FAM240C: variants seen among roughly 807,000 people sequenced by gnomAD.
The protein encoded by FAM240C is protein FAM240C.
In FAM240C, 14 loss-of-function variants were observed where a neutral mutation model predicts 10.0. The observed-to-expected ratio is 1.40, with a 90% CI of 0.92 to 2.19. The LOEUF (loss-of-function observed/expected upper bound fraction) is 2.19, where lower values mean the gene tolerates loss of function less well. Among genes scored for constraint, FAM240C ranks in the 30% most tolerant of loss-of-function variants. The probability of loss-of-function intolerance (pLI) is 0.00; values close to 1 mark genes in which losing one functional copy is unlikely to be tolerated. For missense variants in FAM240C, 154 were observed against 122.3 expected (o/e 1.26, Z -1.22); for synonymous variants, 49 against 44.3 (o/e 1.11, Z -0.42).
intron 2 of FAM240C, among the ~76,000 whole-genome samples, chr2:241,896,116 G>A (rs1277908076): frequency 6.6e-6 from 1 of 152,142 alleles, no homozygotes; most frequent in East Asian, 1.9e-4. Flanking sequence ...GGGGTACCAC[G>A]GCTCTCTTGC....
rs1358853836 is a variant in FAM240C, at chr2:241,894,052, G to C, written c.*161C>G. On this transcript the variant is annotated 3_prime_UTR_variant, in exon 3 of 3. Coordinates refer to ENST00000404031, the MANE Select transcript of FAM240C (RefSeq NM_001382368.1). ...TAGAGAACCCTGGGACTCTGCTGCA[G>C]CGTGGACCCCGAGGTGGGATTATTA... 5 of 745,110 alleles carry C rather than the reference G, an allele frequency of 6.7e-6. No individual in the cohort carries two copies. Among genetic ancestry groups the C allele is most frequent in the African/African-American group, 1.8e-5 (1 of 56,974 alleles). The allele number at this position is 745,110 out of a possible 1,614,324, so 46.2% of individuals were successfully genotyped here. A position where few individuals can be genotyped will look rare whatever the true frequency, so the allele number is the denominator to read the frequency against.
At chr2:241,901,850 G>T (rs1701990538), upstream of FAM240C, among the ~76,000 whole-genome samples, 1 of 152,166 alleles carries the variant, frequency 6.6e-6, no homozygotes, top group South Asian at 2.1e-4. The surrounding 1 kb of genome is among the most constrained non-coding windows in gnomAD (Gnocchi z 4.9). Context: ...CGAGCGCCCC[G>T]GGGATTCCCC....
chr2:241,894,094 C>T lies in FAM240C; in HGVS notation c.*119G>A, dbSNP rs766299514. Reference sequence around the variant, plus strand: ...GGATTATTACGGGGTCAGCGAGGTGCGGGCCATTTCCATGATGAAGATCCT... The same window carrying T: ...GGATTATTACGGGGTCAGCGAGGTGTGGGCCATTTCCATGATGAAGATCCT... On this transcript the variant is annotated 3_prime_UTR_variant, in exon 3 of 3. Transcript: ENST00000404031. 1.5e-5 allele frequency: 18 copies of T among 1,201,180 alleles called. No individual in the cohort carries two copies. The highest frequency in any genetic ancestry group is 2.1e-4 in the Middle Eastern group (1 of 4,798). The allele number at this position is 1,201,180 out of a possible 1,614,324, so 74.4% of individuals were successfully genotyped here. A position where few individuals can be genotyped will look rare whatever the true frequency, so the allele number is the denominator to read the frequency against.
At chr2:241,895,966 G>T (rs1030620475) in intron 2 of FAM240C, among the ~76,000 whole-genome samples, 4 of 151,458 alleles carry the variant, frequency 2.6e-5, no homozygotes, top group South Asian at 2.1e-4. Context: ...TCGGTGGTGG[G>T]GGGGGGCCTC....
At chr2:241,894,363 CA>C (rs1450831531) in intron 2 of FAM240C, 24 bp from the exon 3 acceptor site, 24 of 1,529,182 alleles carry the variant, frequency 1.6e-5, no homozygotes, top group Non-Finnish European at 2.1e-5. Context: ...ATAATTTCGG[CA>C]TTGTGAGTCA....
intron 2 of FAM240C, among the ~76,000 whole-genome samples, chr2:241,896,114 A>T (rs959965487): frequency 1.3e-5 from 2 of 151,638 alleles, no homozygotes; most frequent in Non-Finnish European, 2.9e-5. Context: ...AAGGGGTACC[A>T]CGGCTCTCTT....
chr2:241,896,849 A>AG (rs1701851678), intron 2 of FAM240C, among the ~76,000 whole-genome samples: 1 of 2,092 alleles, frequency 4.8e-4, no homozygotes. Flanking sequence ...GTGTGGGTGA[A>AG]GGGGTGTGGG....
chr2:241,899,587 G>A (rs1701934052), intron 1 of FAM240C, among the ~76,000 whole-genome samples: 2 of 152,214 alleles, frequency 1.3e-5, no homozygotes, highest in Admixed American at 1.3e-4. Context: ...GATTCAAACC[G>A]AGTAACAGCT....
intron 1 of FAM240C, among the ~76,000 whole-genome samples, chr2:241,898,612 C>A (rs1186236273): frequency 2.8e-5 from 2 of 70,624 alleles, no homozygotes; most frequent in Admixed American, 3.0e-4. Flanking sequence ...TCGACAGCAG[C>A]AGCCCCTTTT....
upstream of FAM240C, among the ~76,000 whole-genome samples, chr2:241,901,672 C>T (rs1167548200): frequency 6.6e-6 from 1 of 152,142 alleles, no homozygotes; most frequent in Non-Finnish European, 1.5e-5. This position sits in a 1 kb window ranked among gnomAD's most constrained non-coding sequence, Gnocchi z 4.9. Flanking sequence ...TCAGGCAGCG[C>T]GGGTGGAAGA....
In FAM240C at chr2:241,900,408, G is replaced by T. The variant is rs1332137390; in HGVS notation, c.-39C>A. The T allele has an allele frequency of 1.1e-5, 8 of 716,956 alleles. No homozygotes were observed. Among genetic ancestry groups the T allele is most frequent in the Non-Finnish European group, 1.6e-5 (6 of 385,000 alleles). The allele number at this position is 716,956 out of a possible 1,614,324, so 44.4% of individuals were successfully genotyped here. A position where few individuals can be genotyped will look rare whatever the true frequency, so the allele number is the denominator to read the frequency against. The stretch of plus-strand genomic sequence containing the variant: ...GCAGGTTTTCCTGTCTCTGTTGAGG[G>T]TCCTCAGCCTGTCCTCTCCGGGGTG... On this transcript the variant is annotated 5_prime_UTR_variant, in exon 1 of 3. Transcript: ENST00000404031. This position sits in a 1 kb window ranked among gnomAD's most constrained non-coding sequence, Gnocchi z 4.5.
At chr2:241,896,835 T>TGGGGTGTGGGTGTGGGGGTGTGGGTGAA (rs1701850530) in intron 2 of FAM240C, among the ~76,000 whole-genome samples, 1 of 18,210 alleles carries the variant, frequency 5.5e-5, no homozygotes, top group Non-Finnish European at 9.1e-5. Flanking sequence ...GTGTGGGTGT[T>TGGGGTGTGGGTGTGGGGGTGTGGGTGAA]GGGGTGTGGG....
chr2:241,898,265 C>T (rs1016010079), intron 1 of FAM240C, among the ~76,000 whole-genome samples: 1 of 152,146 alleles, frequency 6.6e-6, no homozygotes, highest in Non-Finnish European at 1.5e-5. Context: ...TCAAGAATGT[C>T]CAAGGCCGGG....
upstream of FAM240C, chr2:241,900,483 G>C (rs1052894803): frequency 1.0e-5 from 7 of 682,938 alleles, no homozygotes; most frequent in Non-Finnish European, 1.9e-5. The surrounding 1 kb of genome is among the most constrained non-coding windows in gnomAD (Gnocchi z 4.5). Context: ...TCAGTGACAC[G>C]CATGCTTGGC....
chr2:241,902,292 C>T (rs1375485836), upstream of FAM240C, among the ~76,000 whole-genome samples: 4 of 150,976 alleles, frequency 2.6e-5, no homozygotes, highest in African/African-American at 9.7e-5. This position sits in a 1 kb window ranked among gnomAD's most constrained non-coding sequence, Gnocchi z 7.1. Context: ...CGGGCTCAGC[C>T]GCCTTCCAGC....
intron 2 of FAM240C, among the ~76,000 whole-genome samples, chr2:241,896,545 TGGGGTGTGTGTGTTGGGGTGTGGGTGTG>T (rs1701813566): frequency 1.6e-3 from 20 of 12,134 alleles, no homozygotes; most frequent in African/African-American, 3.8e-3. Flanking sequence ...GTGTGGGTGT[TGGGGTGTGTGTGTTGGGGTGTGGGTGTG>T]GGGGTGTGGG....
intron 1 of FAM240C, among the ~76,000 whole-genome samples, chr2:241,897,688 C>T (rs992976727): frequency 1.1e-4 from 16 of 152,196 alleles, no homozygotes; most frequent in Non-Finnish European, 2.2e-4. Context: ...GTCCCACCAG[C>T]GAGGTGAGCG....
Position 241,897,335 on chromosome 2 carries a change from C to A in FAM240C, c.13-1G>T. 8 of 1,549,186 alleles carry A rather than the reference C, an allele frequency of 5.2e-6. No individual in the cohort carries two copies. The highest frequency in any genetic ancestry group is 7.0e-6 in the Non-Finnish European group (8 of 1,146,108). On this transcript the variant is annotated splice_acceptor_variant, in intron 1 of 2. Coordinates refer to ENST00000404031, the MANE Select transcript of FAM240C (RefSeq NM_001382368.1). LOFTEE classifies it high-confidence loss of function. ...TAAGAGTGAGGCTTTTACTCATGTT[C>A]TGGAAAATAAAAAGTGGAGAAGAGC...
upstream of FAM240C, among the ~76,000 whole-genome samples, chr2:241,902,175 G>A (rs978778097): frequency 2.6e-5 from 4 of 152,076 alleles, no homozygotes; most frequent in African/African-American, 9.7e-5. This position sits in a 1 kb window ranked among gnomAD's most constrained non-coding sequence, Gnocchi z 7.1. Flanking sequence ...CAGTGCAGTG[G>A]GCTCCAGACA....
Sources: allele counts gnomAD v4.1 joint callset (sites outside exome capture counted in the v4.1 genomes callset), GRCh38; gene constraint gnomAD v4.1.1; non-coding constraint Gnocchi (gnomAD v3.1); transcripts MANE v1.5; gene names NCBI Gene and HGNC (gene_info 2026-07-23, HGNC 2026-07-21).